The following IQSEC1 variants were observed in gnomAD, a reference collection of about 807,000 sequenced individuals.
IQSEC1 encodes IQ motif and SEC7 domain-containing protein 1.
IQSEC1 carries 31 observed loss-of-function variants against 91.0 expected under a neutral mutation model. The observed-to-expected ratio is 0.34, with a 90% confidence interval of 0.26 to 0.46. IQSEC1 has a LOEUF of 0.46. Ranked by LOEUF, IQSEC1 falls within the 20% of genes least tolerant of loss-of-function variation. The pLI is 1.00. For synonymous variants in IQSEC1, 699 were observed against 662.6 expected (o/e 1.05, Z -0.84); for missense variants, 1,388 against 1,575.6 (o/e 0.88, Z 2.02).
intron 1 of IQSEC1, among the ~76,000 whole-genome samples, chr3:12,958,996 T>C (rs539614948): frequency 2.6e-5 from 4 of 152,214 alleles, no homozygotes; most frequent in East Asian, 3.8e-4. Flanking sequence ...GATGATGTCA[T>C]GGAAGAGAAG....
rs1354483235 is a variant in IQSEC1 at position 12,977,936 on chromosome 3, T to C, written c.24-36071A>G. ...ATTCACTGTTTGAATAAATCTGTCA[T>C]TGAGAATGTGTGCATTCCTGAATGT... On this transcript the variant is annotated intron_variant, in intron 1 of 13. Coordinates refer to ENST00000613206, the MANE Select transcript of IQSEC1 (RefSeq NM_001134382.3). 3.9e-5 allele frequency among the ~76,000 whole-genome samples: 6 copies of C among 152,242 alleles called. 1 individual carries two copies.
intron 3 of IQSEC1, among the ~76,000 whole-genome samples, chr3:12,928,014 G>A (rs576095281): frequency 6.6e-6 from 1 of 152,250 alleles, no homozygotes; most frequent in Admixed American, 6.5e-5. Flanking sequence ...AGTGGGCTGA[G>A]AAGCCCCAGT....
rs1030692785 is a variant in IQSEC1, at chr3:12,967,990, C to T, written c.24-26125G>A. 5.3e-5 allele frequency among the ~76,000 whole-genome samples: 8 copies of T among 152,194 alleles called. No homozygotes were observed. The highest frequency in any genetic ancestry group is 1.2e-4 in the Non-Finnish European group (8 of 68,012). ...GAGCGCAAGGGCGGAGTCCCAGACA[C>T]TGCATCCAGGTCCCAGCGCGCGAAG... is the stretch of plus-strand genomic sequence containing the variant. On this transcript the variant is annotated intron_variant, in intron 1 of 13. Coordinates refer to ENST00000613206, the MANE Select transcript of IQSEC1 (RefSeq NM_001134382.3). The surrounding 1 kb of genome is among the most constrained non-coding windows in gnomAD (Gnocchi z 5.9).
intron 2 of IQSEC1, among the ~76,000 whole-genome samples, chr3:13,130,999 A>T (rs1706604314): frequency 6.9e-6 from 1 of 145,262 alleles, no homozygotes; most frequent in African/African-American, 2.7e-5. Context: ...GAAAGAAAAG[A>T]AGGAGGGAAG....
chr3:13,063,764 C>T (rs563497563), intron 1 of IQSEC1, among the ~76,000 whole-genome samples: 1 of 152,294 alleles, frequency 6.6e-6, no homozygotes, highest in East Asian at 1.9e-4. Context: ...GGCCCCAGTG[C>T]CCCTGGTGGG....
In IQSEC1 at chr3:13,197,208, T is replaced by G. The variant is rs564792273; in HGVS notation, c.273-33075A>C. Among the ~76,000 whole-genome samples, 4 of 152,340 alleles carry G rather than the reference T, an allele frequency of 2.6e-5. No individual in the cohort carries two copies. In the East Asian group the frequency reaches 7.7e-4, roughly 29 times the overall value. On this transcript the variant is annotated intron_variant, in intron 1 of 15. Coordinates refer to the IQSEC1 transcript ENST00000648114. Reference sequence around the variant, plus strand: ...GAAGGTCAGGGATGCACATGAACCATGTCTTCCTTCACTTGAACGGGAAAC... The same window carrying G: ...GAAGGTCAGGGATGCACATGAACCAGGTCTTCCTTCACTTGAACGGGAAAC...
chr3:13,111,734 C>T (rs1008764888), intron 2 of IQSEC1, among the ~76,000 whole-genome samples: 2 of 152,090 alleles, frequency 1.3e-5, no homozygotes, highest in African/African-American at 4.8e-5. Flanking sequence ...ATCAAACTTC[C>T]CTCTCTCTGC....
At chr3:13,027,845 A>G (rs1703681269) in intron 1 of IQSEC1, among the ~76,000 whole-genome samples, 1 of 152,236 alleles carries the variant, frequency 6.6e-6, no homozygotes, top group African/African-American at 2.4e-5. Flanking sequence ...TTTTTCAGAT[A>G]TCAGAAATCC....
At chr3:13,157,424 C>T (rs1330444036) in intron 2 of IQSEC1, among the ~76,000 whole-genome samples, 1 of 152,146 alleles carries the variant, frequency 6.6e-6, no homozygotes, top group Admixed American at 6.5e-5. Context: ...CCCAGTAGTG[C>T]CTCTGAAAGC....
Position 13,071,724 on chromosome 3 carries a change from C to A in IQSEC1, c.23+1268G>T, listed in dbSNP as rs534123849. Among the ~76,000 whole-genome samples the A allele has an allele frequency of 5.9e-5, 9 of 152,106 alleles. No homozygotes were observed. In the South Asian group the frequency reaches 1.9e-3, roughly 32 times the overall value. On this transcript the variant is annotated intron_variant, in intron 1 of 13. Transcript: ENST00000613206. Reference sequence around the variant, plus strand: ...CAGAGGCCACCGTCATCCCTCGAACCAGAGGCCACCGCCATCCCCCAAACC... The same window carrying A: ...CAGAGGCCACCGTCATCCCTCGAACAAGAGGCCACCGCCATCCCCCAAACC...
chr3:13,202,912 T>A (rs1164083412), intron 1 of IQSEC1, among the ~76,000 whole-genome samples: 1 of 152,192 alleles, frequency 6.6e-6, no homozygotes, highest in Admixed American at 6.5e-5. Context: ...ATTCTGAGCA[T>A]GCTACATGCA....
At chr3:13,165,578 G>GTGTGTGTGTGTCTGTCTGTC (rs1377649445) in intron 1 of IQSEC1, among the ~76,000 whole-genome samples, 3 of 105,760 alleles carry the variant, frequency 2.8e-5, no homozygotes, top group East Asian at 3.3e-4. Flanking sequence ...GTGTGTGTGT[G>GTGTGTGTGTGTCTGTCTGTC]TGTCTGTCTG....
At chr3:12,987,639 G>T (rs1159715724) in intron 1 of IQSEC1, among the ~76,000 whole-genome samples, 1 of 152,192 alleles carries the variant, frequency 6.6e-6, no homozygotes, top group Non-Finnish European at 1.5e-5. Flanking sequence ...CCAACACCCT[G>T]TAAAGAGTGA....
chr3:12,925,616 G>A (rs1697052955), intron 3 of IQSEC1, among the ~76,000 whole-genome samples: 1 of 152,242 alleles, frequency 6.6e-6, no homozygotes, highest in South Asian at 2.1e-4. Flanking sequence ...TGGCAGGGCT[G>A]GCCATGCAGG....
intron 1 of IQSEC1, among the ~76,000 whole-genome samples, chr3:13,018,502 A>G (rs1410302644): frequency 6.6e-6 from 1 of 152,218 alleles, no homozygotes; most frequent in Admixed American, 6.5e-5. Context: ...TTTTCAATAT[A>G]ATGCCAGATG....
intron 2 of IQSEC1, among the ~76,000 whole-genome samples, chr3:13,153,150 C>A (rs1254805797): frequency 1.3e-5 from 2 of 151,818 alleles, no homozygotes; most frequent in Non-Finnish European, 2.9e-5. Flanking sequence ...GCTAGGGCTC[C>A]TCTCTCAGGG....
At chr3:13,169,999 C>T (rs562815034) in intron 1 of IQSEC1, among the ~76,000 whole-genome samples, 45 of 152,200 alleles carry the variant, frequency 3.0e-4, no homozygotes, top group Non-Finnish European at 5.3e-4. Context: ...ATCCCCAAGA[C>T]AATAGGGAAA....
chr3:13,131,218 CCTT>C (rs1274407468), intron 2 of IQSEC1, among the ~76,000 whole-genome samples: 1 of 151,844 alleles, frequency 6.6e-6, no homozygotes, highest in Non-Finnish European at 1.5e-5. Context: ...TATGGAGTGA[CCTT>C]CTTTATTCCT....
chr3:13,229,809 T>C (rs917149920), intron 1 of IQSEC1, among the ~76,000 whole-genome samples: 7 of 152,224 alleles, frequency 4.6e-5, no homozygotes, highest in Admixed American at 4.6e-4. Flanking sequence ...TAGAGGGCTC[T>C]GCCTAGACAC....
Sources: allele counts gnomAD v4.1 joint callset (sites outside exome capture counted in the v4.1 genomes callset), GRCh38; gene constraint gnomAD v4.1.1; non-coding constraint Gnocchi (gnomAD v3.1); transcripts MANE v1.5; gene names NCBI Gene and HGNC (gene_info 2026-07-23, HGNC 2026-07-21).